Variants in ANO7 observed in about 807,000 individuals in gnomAD.
The protein encoded by ANO7 is anoctamin-7.
ANO7 carries 114 observed loss-of-function variants against 115.8 expected under a neutral mutation model. The observed-to-expected ratio is 0.98, with a 90% CI of 0.85 to 1.15. The LOEUF (loss-of-function observed/expected upper bound fraction) is 1.15, where lower values mean the gene tolerates loss of function less well. Among genes scored for constraint, ANO7 ranks in the 50% most tolerant of loss-of-function variants. ANO7 has a pLI of 0.00. For missense variants in ANO7, 1,302 were observed against 1,201.2 expected (o/e 1.08, Z -1.24); for synonymous variants, 550 against 498.2 (o/e 1.10, Z -1.38).
intron 11 of ANO7, among the ~76,000 whole-genome samples, chr2:241,209,057 G>A (rs2068656425): frequency 2.0e-5 from 3 of 152,350 alleles, no homozygotes; most frequent in South Asian, 2.1e-4. Context: ...GCTGAGGCAG[G>A]AGAATGGCGT....
At chr2:241,194,148 T>C (rs893962769) in intron 3 of ANO7, among the ~76,000 whole-genome samples, 6 of 151,784 alleles carry the variant, frequency 4.0e-5, no homozygotes, top group African/African-American at 1.4e-4. Flanking sequence ...GTGCTGGGAT[T>C]ACAGGCGTGA....
At chr2:241,218,805 A>C (rs1283999277) in intron 21 of ANO7, among the ~76,000 whole-genome samples, 5 of 152,240 alleles carry the variant, frequency 3.3e-5, no homozygotes, top group Non-Finnish European at 7.3e-5. Flanking sequence ...TGAAAGAGTC[A>C]TAATAGATCA....
chr2:241,223,132 G>T lies in ANO7; in HGVS notation c.2322-54G>T, dbSNP rs551934835. 3.9e-6 allele frequency: 6 copies of T among 1,532,528 alleles called. No homozygotes were observed. In the South Asian group the frequency reaches 6.9e-5, roughly 18 times the overall value. The allele number at this position is 1,532,528 out of a possible 1,614,324, so 94.9% of individuals were successfully genotyped here. A position where few individuals can be genotyped will look rare whatever the true frequency, so the allele number is the denominator to read the frequency against. ...AGATAGGCTAATTCCAGAGGCACCT[G>T]CCCAGCCAACACTCAGCCCTGGCTG... On this transcript the variant is annotated intron_variant, in intron 21 of 24. Coordinates refer to ENST00000674324, the MANE Select transcript of ANO7 (RefSeq NM_001370694.2).
rs2069141876 is a variant in ANO7 at position 241,225,574 on chromosome 2, A to G, written c.*1421A>G. Among the ~76,000 whole-genome samples the G allele has an allele frequency of 6.6e-6, 1 of 152,188 alleles. No individual in the cohort carries two copies. Among genetic ancestry groups the G allele is most frequent in the Non-Finnish European group, 1.5e-5 (1 of 68,024 alleles). On this transcript the variant is annotated 3_prime_UTR_variant, in exon 25 of 25. Transcript: ENST00000674324. The stretch of plus-strand genomic sequence containing the variant: ...TATGTGGTTTTAATGTGCTTTGATG[A>G]GTACTGCCAAACTTACTCCACAGAA...
Position 241,224,450 on chromosome 2 carries a change from C to T in ANO7, c.*297C>T, listed in dbSNP as rs2069109304. 6.7e-6 allele frequency: 3 copies of T among 450,190 alleles called. No homozygotes were observed. Among genetic ancestry groups the T allele is most frequent in the Non-Finnish European group, 8.2e-6 (2 of 244,894 alleles). 27.9% of individuals were successfully genotyped at this position (450,190 alleles called of 1,614,324 possible). On this transcript the variant is annotated 3_prime_UTR_variant, in exon 25 of 25. Coordinates refer to ENST00000674324, the MANE Select transcript of ANO7 (RefSeq NM_001370694.2). ...GGGACCCTGTCCCTCGGTGGCCTCC[C>T]CAGGCCCCTGGACACGACAGTTCTC...
downstream of ANO7, among the ~76,000 whole-genome samples, chr2:241,226,343 G>C (rs2069169730): frequency 6.6e-6 from 1 of 152,152 alleles, no homozygotes; most frequent in Non-Finnish European, 1.5e-5. Flanking sequence ...GTTTGGCTTA[G>C]GGTCATTTTG....
At chr2:241,198,416 C>T (rs536084699) in intron 4 of ANO7, among the ~76,000 whole-genome samples, 2 of 152,292 alleles carry the variant, frequency 1.3e-5, no homozygotes, top group South Asian at 2.1e-4. Context: ...GATTGGGTGG[C>T]GTGGTCCCAT....
At position 241,218,337 on chromosome 2, in the gene ANO7, G is replaced by A; in HGVS notation, c.2277G>A (p.Ala759=). 2 of 1,497,358 alleles carry A rather than the reference G, an allele frequency of 1.3e-6. No homozygotes were observed. Among genetic ancestry groups the A allele is most frequent in the African/African-American group, 1.4e-5 (1 of 69,046 alleles). 92.8% of individuals were successfully genotyped at this position (1,497,358 alleles called of 1,614,324 possible). A position where few individuals can be genotyped will look rare whatever the true frequency, so the allele number is the denominator to read the frequency against. The change falls in exon 21 of 25, where the codon GCG becomes GCA. Residue 759 remains alanine, a synonymous_variant. Transcript: ENST00000674324. ...DLRGFLNFTL[A]RAPSSFAAAH... is the part of the protein sequence containing the mutation. ...GCGGCTTCCTCAACTTCACGCTGGC[G>A]CGAGCCCCGTCCTCCTTCGCCGCCG...
chr2:241,236,418 G>A, the ANO7 span: 1 of 609,158 alleles, frequency 1.6e-6, no homozygotes, highest in Non-Finnish European at 2.9e-6. Flanking sequence ...CCCGAGCCTT[G>A]GTGAAGGGAA....
At position 241,190,122 on chromosome 2, in the gene ANO7, CT is replaced by C. The variant is rs1295600411; in HGVS notation, c.60del (p.Glu21ArgfsTer46). The C allele has an allele frequency of 2.5e-6, 4 of 1,580,634 alleles. No homozygotes were observed. The highest frequency in any genetic ancestry group is 1.3e-5 in the African/African-American group (1 of 74,338). ...ACCGTCCTGATCGATGTGAGCCCCCCTGAGGCAGAGAAGAGGGGCTCTTACG... is the reference window on the plus strand; with the variant it reads ...ACCGTCCTGATCGATGTGAGCCCCCCGAGGCAGAGAAGAGGGGCTCTTACG... Reference protein sequence around the residue: ...DSTVLIDVSPPEAEKRGSYGS... With the variant: ...DSTVLIDVSPXEAEKRGSYGS... On this transcript the variant is annotated frameshift_variant, in exon 2 of 25. Coordinates refer to ENST00000674324, the MANE Select transcript of ANO7 (RefSeq NM_001370694.2). LOFTEE classifies it high-confidence loss of function.
At chr2:241,221,119 T>C (rs1253174546) in intron 21 of ANO7, among the ~76,000 whole-genome samples, 3 of 151,976 alleles carry the variant, frequency 2.0e-5, no homozygotes. Context: ...TTGCCCAGGC[T>C]GGAGTGCAAT....
At chr2:241,211,462 C>A (rs967178009) in intron 15 of ANO7, among the ~76,000 whole-genome samples, 2 of 152,250 alleles carry the variant, frequency 1.3e-5, no homozygotes, top group African/African-American at 4.8e-5. Flanking sequence ...GGCAGCCCCA[C>A]CCTGGAGCCC....
At chr2:241,194,944 G>A (rs1229406117) in intron 3 of ANO7, among the ~76,000 whole-genome samples, 1 of 152,186 alleles carries the variant, frequency 6.6e-6, no homozygotes, top group African/African-American at 2.4e-5. Flanking sequence ...TGGATGACCA[G>A]CGTGTTCCAG....
chr2:241,220,777 G>C (rs558930855), intron 21 of ANO7, among the ~76,000 whole-genome samples: 3 of 152,262 alleles, frequency 2.0e-5, no homozygotes, highest in Non-Finnish European at 4.4e-5. Context: ...TCCAGCCTGG[G>C]CAACAGAGCA....
chr2:241,236,548 C>A, the ANO7 span: 1 of 1,534,224 alleles, frequency 6.5e-7, no homozygotes, highest in Admixed American at 1.7e-5. Flanking sequence ...ATCCAGGCCA[C>A]GCGTCTCCCC....
chr2:241,216,365 T>G (rs1390139164), intron 19 of ANO7, 127 bp downstream of exon 19: 6 of 1,233,180 alleles, frequency 4.9e-6, no homozygotes, highest in Admixed American at 3.1e-5. Flanking sequence ...GCTGTGGGGG[T>G]GGGGTGGGAA....
Position 241,216,110 on chromosome 2 carries a change from G to A in ANO7, c.1844G>A (p.Trp615Ter), listed in dbSNP as rs1327625507. Residue 615 changes from tryptophan (W) to a stop codon, truncating the protein, a stop_gained, in exon 19 of 25, where the codon TGG becomes TAG. Transcript: ENST00000674324. LOFTEE classifies it high-confidence loss of function. ...EVLIPKLKGW[W>*]QKFRLRSKKR... is the part of the protein sequence containing the mutation. ...GTCCCCAGGAAGCTAAAGGGCTGGT[G>A]GCAGAAGTTCCGGCTTCGCTCCAAG... The A allele has an allele frequency of 1.9e-6, 3 of 1,610,692 alleles. No individual in the cohort carries two copies. The highest frequency in any genetic ancestry group is 3.4e-5 in the Admixed American group (2 of 59,168).
the ANO7 span, chr2:241,240,245 G>A: frequency 5.4e-6 from 5 of 918,876 alleles, no homozygotes; most frequent in South Asian, 1.4e-5. The surrounding 1 kb of genome is among the most constrained non-coding windows in gnomAD (Gnocchi z 5.5). Flanking sequence ...GTGTCCTGAT[G>A]TTGCACCAAT....
chr2:241,189,362 C>T (rs924467329), intron 1 of ANO7, among the ~76,000 whole-genome samples: 5 of 152,198 alleles, frequency 3.3e-5, no homozygotes, highest in Admixed American at 6.5e-5. Flanking sequence ...TCACACCCTC[C>T]GGTCATCGTC....
Sources: gnomAD v4.1 joint callset for allele counts (sites outside exome capture counted in the v4.1 genomes callset) on GRCh38, gnomAD v4.1.1 for gene constraint, Gnocchi (gnomAD v3.1) non-coding constraint, MANE v1.5 for transcripts, NCBI Gene and HGNC (gene_info 2026-07-23, HGNC 2026-07-21) for gene names.